FAM210A: variants seen among roughly 807,000 people sequenced by gnomAD.
FAM210A encodes the protein mitochondrial inner membrane scaffold 1.
A neutral mutation model predicts 25.3 loss-of-function variants in FAM210A; 13 were observed. That is an observed-to-expected ratio of 0.51 (90% CI 0.33 to 0.82). FAM210A has a LOEUF of 0.82. Ranked by LOEUF, FAM210A falls within the 40% of genes least tolerant of loss-of-function variation. FAM210A has a pLI of 0.02. For missense variants in FAM210A, 319 were observed against 323.2 expected (o/e 0.99, Z 0.10); for synonymous variants, 125 against 118.7 (o/e 1.05, Z -0.35).
chr18:13,673,265 T>G (rs1398665741), intron 2 of FAM210A, among the ~76,000 whole-genome samples: 47 of 150,818 alleles, frequency 3.1e-4, no homozygotes, highest in African/African-American at 9.5e-4. Context: ...TCCAGTTTCC[T>G]GATTATTAAC....
chr18:13,701,324 G>C (rs78252160), intron 1 of FAM210A, among the ~76,000 whole-genome samples: 2 of 151,366 alleles, frequency 1.3e-5, no homozygotes, highest in Non-Finnish European at 3.0e-5. Flanking sequence ...AACAGAAATC[G>C]AACTGGGTTC....
intron 1 of FAM210A, among the ~76,000 whole-genome samples, chr18:13,716,929 G>A (rs2043865890): frequency 6.6e-6 from 1 of 152,202 alleles, no homozygotes; most frequent in Non-Finnish European, 1.5e-5. Context: ...AACACAGGGA[G>A]CCCGCCTAAG....
chr18:13,676,643 T>C (rs1274093433), intron 2 of FAM210A, among the ~76,000 whole-genome samples: 1 of 152,238 alleles, frequency 6.6e-6, no homozygotes, highest in East Asian at 1.9e-4. Context: ...ACAGTTAATA[T>C]ATAATCTAGA....
chr18:13,673,397 T>G (rs1479261530), intron 2 of FAM210A, among the ~76,000 whole-genome samples: 1 of 151,078 alleles, frequency 6.6e-6, no homozygotes. Flanking sequence ...TCCAGTTTCC[T>G]GATTATTAAC....
At chr18:13,697,126 G>A (rs1210584695) in intron 1 of FAM210A, among the ~76,000 whole-genome samples, 1 of 152,300 alleles carries the variant, frequency 6.6e-6, no homozygotes, top group African/African-American at 2.4e-5. Context: ...GTTTGGGTAA[G>A]TATACCCTAT....
chr18:13,707,931 A>G (rs191872164), intron 1 of FAM210A, among the ~76,000 whole-genome samples: 5 of 151,406 alleles, frequency 3.3e-5, no homozygotes, highest in East Asian at 1.9e-4. Flanking sequence ...CTTCCACCAC[A>G]TGGCTGCGCA....
intron 1 of FAM210A, among the ~76,000 whole-genome samples, chr18:13,690,714 A>C (rs951770113): frequency 2.0e-5 from 3 of 152,230 alleles, no homozygotes; most frequent in Non-Finnish European, 4.4e-5. Flanking sequence ...AAGGAAAACT[A>C]ACAAACAGAA....
chr18:13,683,803 A>T (rs976517513), intron 1 of FAM210A, among the ~76,000 whole-genome samples: 4 of 152,200 alleles, frequency 2.6e-5, no homozygotes, highest in African/African-American at 9.7e-5. Flanking sequence ...ACAGACAGTG[A>T]GATCTGAATT....
chr18:13,726,548 G>C lies in FAM210A; in HGVS notation c.-248C>G, dbSNP rs937235056. On this transcript the variant is annotated 5_prime_UTR_variant, in exon 1 of 4. Transcript: ENST00000651643. ...GCTCGCGACCTCCAGTGCCCGCTCA[G>C]TGAAGCTTCTGCATGCCGCGCGCGG... 6.6e-6 allele frequency: 1 copy of C among 152,306 alleles called. No homozygotes were observed. The highest frequency in any genetic ancestry group is 6.5e-5 in the Admixed American group (1 of 15,290). The allele number at this position is 152,306 out of a possible 1,614,324, so 9.4% of individuals were successfully genotyped here.
rs1358086717 is a variant in FAM210A, at chr18:13,665,757, T to TTTA, written c.*720_*722dup. ...GGACACAAATGATTCACAACAGAGG[T>TTTA]TTATGTTTGAGGTGATCACCACTAA... is the stretch of plus-strand genomic sequence containing the variant. On this transcript the variant is annotated 3_prime_UTR_variant, in exon 4 of 4. Transcript: ENST00000651643. 1 of 151,932 alleles carries TTTA rather than the reference T, an allele frequency of 6.6e-6. No homozygotes were observed. Among genetic ancestry groups the TTTA allele is most frequent in the African/African-American group, 2.4e-5 (1 of 41,356 alleles). The allele number at this position is 151,932 out of a possible 1,614,324, so 9.4% of individuals were successfully genotyped here. A position where few individuals can be genotyped will look rare whatever the true frequency, so the allele number is the denominator to read the frequency against.
At position 13,682,046 on chromosome 18, in the gene FAM210A, C is replaced by T. The variant is rs200198941; in HGVS notation, c.32G>A (p.Arg11Gln). 8.3e-5 allele frequency: 133 copies of T among 1,609,228 alleles called. No homozygotes were observed. In the East Asian group the frequency reaches 2.4e-3, roughly 29 times the overall value. The change falls in exon 2 of 4, where the codon CGA (arginine) becomes CAA (glutamine). Residue 11 changes from arginine (R) to glutamine (Q), a missense_variant. Physicochemically the swap from Arg to Gln is conservative, Grantham distance 43 (BLOSUM62 1). Transcript: ENST00000651643. ...TTCCAAGCATGTCCTGCGTGCCAGT[C>T]GAGATACAGTCCGTGGTACATTCCA... Reference protein sequence around the residue: MQWNVPRTVSRLARRTCLEPH... With the variant: MQWNVPRTVSQLARRTCLEPH...
chr18:13,665,456 A>C lies in FAM210A; in HGVS notation c.*1024T>G, dbSNP rs1405014584. ...ATATTTCCCTTCAATGTAAGACAAA[A>C]AGCAGCAGCCACAATTTAAAACTTT... On this transcript the variant is annotated 3_prime_UTR_variant, in exon 4 of 4. Transcript: ENST00000651643. The C allele has an allele frequency of 6.6e-6, 1 of 150,904 alleles. No individual in the cohort carries two copies. The highest frequency in any genetic ancestry group is 1.5e-5 in the Non-Finnish European group (1 of 67,812). 9.3% of individuals were successfully genotyped at this position (150,904 alleles called of 1,614,324 possible).
chr18:13,712,746 C>CATGAGCCACGAAAAATAAATTTCCAT (rs1568488828), intron 1 of FAM210A, among the ~76,000 whole-genome samples: 13 of 152,026 alleles, frequency 8.6e-5, no homozygotes, highest in African/African-American at 3.1e-4. Flanking sequence ...TAAATTTCCA[C>CATGAGCCACGAAAAATAAATTTCCAT]TGTTTATGAG....
chr18:13,722,471 T>G (rs2149072618), intron 1 of FAM210A, among the ~76,000 whole-genome samples: 1 of 152,286 alleles, frequency 6.6e-6, no homozygotes, highest in Middle Eastern at 3.4e-3. Flanking sequence ...TACAGGTTCT[T>G]CAGGCAAAGC....
Position 13,663,446 on chromosome 18 carries a change from C to T in FAM210A, c.*3034G>A, listed in dbSNP as rs1235121224. The T allele has an allele frequency of 6.6e-6, 1 of 151,946 alleles. No individual in the cohort carries two copies. The highest frequency in any genetic ancestry group is 1.5e-5 in the Non-Finnish European group (1 of 67,996). The allele number at this position is 151,946 out of a possible 1,614,324, so 9.4% of individuals were successfully genotyped here. ...CCTTTCTTGAAATCTGTAAACAGCACCCTGCTGTATGTACAAAAGGCTGTC... is the reference window on the plus strand; with the variant it reads ...CCTTTCTTGAAATCTGTAAACAGCATCCTGCTGTATGTACAAAAGGCTGTC... On this transcript the variant is annotated 3_prime_UTR_variant, in exon 4 of 4. Transcript: ENST00000651643.
chr18:13,695,105 A>G (rs1007217302), intron 1 of FAM210A, among the ~76,000 whole-genome samples: 3 of 152,248 alleles, frequency 2.0e-5, no homozygotes, highest in African/African-American at 7.2e-5. Context: ...CAACAGACAC[A>G]TGAAAAAATG....
chr18:13,721,897 C>T (rs1472386771), intron 1 of FAM210A, among the ~76,000 whole-genome samples: 1 of 152,112 alleles, frequency 6.6e-6, no homozygotes, highest in East Asian at 1.9e-4. Context: ...CACACTTACC[C>T]TGATAAGCCA....
chr18:13,703,833 T>G (rs1354782250), intron 1 of FAM210A, among the ~76,000 whole-genome samples: 1 of 152,162 alleles, frequency 6.6e-6, no homozygotes, highest in Non-Finnish European at 1.5e-5. Flanking sequence ...CTTTGGGAAA[T>G]AAAAACAGCT....
At chr18:13,682,523 G>A (rs530776599) in intron 1 of FAM210A, among the ~76,000 whole-genome samples, 6 of 151,958 alleles carry the variant, frequency 3.9e-5, no homozygotes, top group African/African-American at 1.2e-4. Flanking sequence ...ATCTGAGATC[G>A]GGCCACTGCC....
Sources: gnomAD v4.1 joint callset for allele counts (sites outside exome capture counted in the v4.1 genomes callset) on GRCh38, gnomAD v4.1.1 for gene constraint, MANE v1.5 for transcripts, NCBI Gene and HGNC (gene_info 2026-07-23, HGNC 2026-07-21) for gene names.